FANCL: variants seen among roughly 807,000 people sequenced by gnomAD.
The protein encoded by FANCL is FA complementation group L, also known as E3 ubiquitin-protein ligase FANCL.
In FANCL, 69 loss-of-function variants were observed where a neutral mutation model predicts 59.4. The observed-to-expected ratio is 1.16, with a 90% CI of 0.96 to 1.42. The LOEUF (loss-of-function observed/expected upper bound fraction) is 1.42. Among genes scored for constraint, FANCL ranks in the 40% most tolerant of loss-of-function variants. FANCL has a pLI of 0.00. For missense variants in FANCL, 519 were observed against 447.2 expected (o/e 1.16, Z -1.45); for synonymous variants, 180 against 147.1 (o/e 1.22, Z -1.62).
intron 5 of FANCL, among the ~76,000 whole-genome samples, chr2:58,220,647 T>TG: frequency 6.6e-6 from 1 of 152,358 alleles, no homozygotes; most frequent in South Asian, 2.1e-4. Context: ...ACATATATTC[T>TG]GCACTTAAGA....
intron 7 of FANCL, among the ~76,000 whole-genome samples, chr2:58,190,956 T>C (rs1688865197): frequency 6.6e-6 from 1 of 151,884 alleles, no homozygotes; most frequent in Non-Finnish European, 1.5e-5. Context: ...CATATTTGAA[T>C]TAACACTTTT....
chr2:58,163,786 G>T (rs1410251727), intron 8 of FANCL, among the ~76,000 whole-genome samples: 1 of 151,908 alleles, frequency 6.6e-6, no homozygotes, highest in Non-Finnish European at 1.5e-5. Flanking sequence ...CTGTATTAAA[G>T]TTTAAATAAA....
intron 7 of FANCL, among the ~76,000 whole-genome samples, chr2:58,183,227 T>C (rs1688094925): frequency 6.6e-6 from 1 of 151,742 alleles, no homozygotes; most frequent in Non-Finnish European, 1.5e-5. Flanking sequence ...AATAAAGACA[T>C]AATTCCCTAA....
intron 1 of FANCL, among the ~76,000 whole-genome samples, chr2:58,238,119 C>G (rs897463549): frequency 6.6e-6 from 1 of 152,142 alleles, no homozygotes; most frequent in Non-Finnish European, 1.5e-5. Context: ...GAATGCAGCC[C>G]AACACAAATT....
At chr2:58,172,813 A>C (rs896905969) in intron 7 of FANCL, among the ~76,000 whole-genome samples, 1 of 152,224 alleles carries the variant, frequency 6.6e-6, no homozygotes, top group Non-Finnish European at 1.5e-5. Context: ...TTGAGAGAAG[A>C]AGGCTTCAGA....
chr2:58,183,351 T>G (rs1688108116), intron 7 of FANCL, among the ~76,000 whole-genome samples: 1 of 151,832 alleles, frequency 6.6e-6, no homozygotes, highest in African/African-American at 2.4e-5. Flanking sequence ...AGTATATGGG[T>G]GTAGGTCTGA....
In FANCL at chr2:58,188,771, A is replaced by G. The variant is rs534100638; in HGVS notation, c.540+9823T>C. On this transcript the variant is annotated intron_variant, in intron 7 of 13. Coordinates refer to ENST00000233741, the MANE Select transcript of FANCL (RefSeq NM_018062.4). ...TTGTCAATTTCTTAAATTAGGAAGG[A>G]AAAAAAAAAAAAGAGCTGTTGGGAT... 6.3e-5 allele frequency among the ~76,000 whole-genome samples: 9 copies of G among 143,998 alleles called. No homozygotes were observed. The South Asian group carries it at 1.5e-3, about 24-fold the overall frequency. 94.5% of individuals were successfully genotyped at this position (143,998 alleles called of 152,430 possible).
At chr2:58,209,345 T>C (rs1325489865) in intron 5 of FANCL, among the ~76,000 whole-genome samples, 1 of 152,190 alleles carries the variant, frequency 6.6e-6, no homozygotes, top group Non-Finnish European at 1.5e-5. Context: ...TTTAATTAAA[T>C]ACTGTTAAGC....
chr2:58,231,630 G>T (rs1438663780), intron 2 of FANCL, among the ~76,000 whole-genome samples: 3 of 152,236 alleles, frequency 2.0e-5, no homozygotes, highest in African/African-American at 7.2e-5. Context: ...CTGACTAGTT[G>T]TATCTACCAG....
chr2:58,189,485 A>G (rs1201843020), intron 7 of FANCL, among the ~76,000 whole-genome samples: 1 of 152,170 alleles, frequency 6.6e-6, no homozygotes, highest in Non-Finnish European at 1.5e-5. Flanking sequence ...TATTACTTTT[A>G]TATGTATATA....
intron 1 of FANCL, among the ~76,000 whole-genome samples, chr2:58,238,305 T>C (rs549750120): frequency 2.6e-5 from 4 of 152,178 alleles, no homozygotes; most frequent in African/African-American, 7.2e-5. Context: ...AATATCTTGA[T>C]TGCAAGATCA....
At chr2:58,225,284 C>T (rs1692886683) in intron 4 of FANCL, among the ~76,000 whole-genome samples, 2 of 150,834 alleles carry the variant, frequency 1.3e-5, no homozygotes, top group Admixed American at 1.3e-4. Flanking sequence ...ACTCATTATT[C>T]TAAAAATTGG....
At chr2:58,228,844 CAG>C (rs1449998164) in intron 3 of FANCL, among the ~76,000 whole-genome samples, 1 of 152,096 alleles carries the variant, frequency 6.6e-6, no homozygotes, top group Admixed American at 6.6e-5. Context: ...TGGTGAAAAA[CAG>C]AGTAATAGAT....
chr2:58,230,415 G>A (rs567775076), intron 2 of FANCL, among the ~76,000 whole-genome samples: 2 of 151,894 alleles, frequency 1.3e-5, no homozygotes, highest in Non-Finnish European at 2.9e-5. Context: ...AAACCCTCCC[G>A]CCTCAGCCTC....
intron 1 of FANCL, among the ~76,000 whole-genome samples, chr2:58,232,386 C>G (rs565836641): frequency 6.6e-6 from 1 of 151,958 alleles, no homozygotes; most frequent in Non-Finnish European, 1.5e-5. Flanking sequence ...CTCACAAACA[C>G]AAGAAATATT....
At chr2:58,169,113 G>A (rs964990421) in intron 7 of FANCL, among the ~76,000 whole-genome samples, 1 of 152,136 alleles carries the variant, frequency 6.6e-6, no homozygotes, top group Admixed American at 6.5e-5. Context: ...GGGACAGACT[G>A]CCTCCTCAAG....
At chr2:58,236,502 C>A (rs1234792889) in intron 1 of FANCL, among the ~76,000 whole-genome samples, 3 of 146,402 alleles carry the variant, frequency 2.0e-5, no homozygotes, top group African/African-American at 7.5e-5. Context: ...AATAAACTGG[C>A]AAAGGAGATA....
At chr2:58,230,510 G>A (rs1213161376) in intron 2 of FANCL, among the ~76,000 whole-genome samples, 1 of 152,054 alleles carries the variant, frequency 6.6e-6, no homozygotes, top group African/African-American at 2.4e-5. Context: ...GAAGTGATAA[G>A]TTAATGTTCA....
intron 7 of FANCL, among the ~76,000 whole-genome samples, chr2:58,193,746 T>C (rs1387762324): frequency 6.6e-6 from 1 of 152,148 alleles, no homozygotes; most frequent in African/African-American, 2.4e-5. Context: ...CACAGGATTA[T>C]TACAGTGAAA....
Sources: allele counts gnomAD v4.1 joint callset (sites outside exome capture counted in the v4.1 genomes callset), GRCh38; gene constraint gnomAD v4.1.1; transcripts MANE v1.5; gene names NCBI Gene and HGNC (gene_info 2026-07-23, HGNC 2026-07-21).